The following NDUFA10 variants were observed in gnomAD, a reference collection of about 807,000 sequenced individuals.
The protein encoded by NDUFA10 is NADH dehydrogenase [ubiquinone] 1 alpha subcomplex subunit 10, mitochondrial.
NDUFA10 carries 40 observed loss-of-function variants against 47.8 expected under a neutral mutation model. That is an observed-to-expected ratio of 0.84 (90% CI 0.65 to 1.09). The LOEUF is 1.09. Among genes scored for constraint, NDUFA10 ranks in the 50% least tolerant of loss-of-function variants. NDUFA10 has a pLI of 0.00. For missense variants in NDUFA10, 413 were observed against 451.1 expected, an observed-to-expected ratio of 0.92 and a Z score of 0.76; for synonymous variants, 183 against 172.2, an observed-to-expected ratio of 1.06 and a Z score of -0.49.
At chr2:239,988,473 A>G (rs1696096039) in intron 9 of NDUFA10, among the ~76,000 whole-genome samples, 1 of 152,194 alleles carries the variant, frequency 6.6e-6, no homozygotes, top group Admixed American at 6.5e-5. Context: ...GAAGGACTTC[A>G]GGCACAGGAC....
chr2:239,940,229 G>T, intron 4 of NDUFA10, among the ~76,000 whole-genome samples: 1 of 152,226 alleles, frequency 6.6e-6, no homozygotes, highest in Non-Finnish European at 1.5e-5. Flanking sequence ...TTCCAATAAA[G>T]TTTTATTTAC....
In NDUFA10 at chr2:240,025,197, C is replaced by T. The variant is rs1327694734; in HGVS notation, c.75+30G>A. 4 of 1,441,998 alleles carry T rather than the reference C, an allele frequency of 2.8e-6. No homozygotes were observed. In the African/African-American group the frequency reaches 4.5e-5, roughly 16 times the overall value. The allele number at this position is 1,441,998 out of a possible 1,614,324, so 89.3% of individuals were successfully genotyped here. ...CCGCCACCCCGCCACCCTGCCACCC[C>T]GCCACCCTGCCACCCCGCCGCCCGC... On this transcript the variant is annotated intron_variant, in intron 1 of 9. Transcript: ENST00000252711.
At chr2:239,900,847 G>C (rs1693531237) in intron 4 of NDUFA10, among the ~76,000 whole-genome samples, 1 of 152,240 alleles carries the variant, frequency 6.6e-6, no homozygotes, top group South Asian at 2.1e-4. Context: ...AGCCAGCAGA[G>C]GTTGACTCAG....
chr2:239,948,521 G>T (rs932267125), intron 4 of NDUFA10, among the ~76,000 whole-genome samples: 2 of 152,242 alleles, frequency 1.3e-5, no homozygotes, highest in Non-Finnish European at 2.9e-5. Context: ...AAGTGGAGTC[G>T]CTGGAAAACC....
chr2:239,918,322 C>T lies in NDUFA10; in HGVS notation c.295-23008G>A, dbSNP rs190394326. Among the ~76,000 whole-genome samples, 1,407 of 152,320 alleles carry T rather than the reference C, an allele frequency of 9.2e-3. 29 individuals carry two copies. Among genetic ancestry groups the T allele is most frequent in the African/African-American group, 0.032 (1,324 of 41,562 alleles). On this transcript the variant is annotated intron_variant, in intron 4 of 5. Coordinates refer to the NDUFA10 transcript ENST00000419408. ...GGCCCTCACCAAGGAGGACTGGACA[C>T]TGGACATACATGCGCCCCATCGCCC...
At chr2:240,007,443 A>G in intron 6 of NDUFA10, 73 bp from the exon 7 acceptor site, 2 of 1,034,760 alleles carry the variant, frequency 1.9e-6, no homozygotes, top group Non-Finnish European at 3.0e-6. Context: ...ATGAATACAT[A>G]CCGCTAAAGT....
chr2:239,994,289 C>T (rs969670221), intron 8 of NDUFA10, among the ~76,000 whole-genome samples: 1 of 152,036 alleles, frequency 6.6e-6, no homozygotes, highest in Non-Finnish European at 1.5e-5. Context: ...TATTTATAGC[C>T]GATTCCCCTG....
Position 240,021,480 on chromosome 2 carries a change from C to T in NDUFA10, c.245-68G>A, listed in dbSNP as rs558532735. ...CACTCCCCGCAGGGAGCAGTGGGGA[C>T]TAGCCAAAACACACAGCCCGCCCGA... On this transcript the variant is annotated intron_variant, in intron 2 of 9. Coordinates refer to ENST00000252711, the MANE Select transcript of NDUFA10 (RefSeq NM_004544.4). The T allele has an allele frequency of 3.5e-4, 501 of 1,411,526 alleles. 18 individuals are homozygous for T. In the South Asian group the frequency reaches 5.6e-3, roughly 16 times the overall value. 87.4% of individuals were successfully genotyped at this position (1,411,526 alleles called of 1,614,324 possible). A position where few individuals can be genotyped will look rare whatever the true frequency, so the allele number is the denominator to read the frequency against.
intron 8 of NDUFA10, among the ~76,000 whole-genome samples, chr2:240,003,421 G>T (rs1464810042): frequency 6.6e-6 from 1 of 152,192 alleles, no homozygotes; most frequent in Non-Finnish European, 1.5e-5. Flanking sequence ...GTGCCTCCAG[G>T]CCCTCGAGAG....
At chr2:239,964,552 C>T (rs1694986172) in intron 9 of NDUFA10, among the ~76,000 whole-genome samples, 1 of 152,180 alleles carries the variant, frequency 6.6e-6, no homozygotes, top group East Asian at 1.9e-4. Flanking sequence ...TGGGAGATAC[C>T]GGGTCACATC....
chr2:239,925,931 GACC>G (rs1694056844), intron 4 of NDUFA10, among the ~76,000 whole-genome samples: 1 of 152,024 alleles, frequency 6.6e-6, no homozygotes, highest in Non-Finnish European at 1.5e-5. Flanking sequence ...GAGAAATGAA[GACC>G]ACAATGAAAT....
chr2:239,979,788 A>G (rs966174182), intron 9 of NDUFA10, among the ~76,000 whole-genome samples: 1 of 151,956 alleles, frequency 6.6e-6, no homozygotes, highest in Non-Finnish European at 1.5e-5. Flanking sequence ...CCACCACCTC[A>G]CCAGGAGTAC....
intron 4 of NDUFA10, among the ~76,000 whole-genome samples, chr2:239,910,708 C>CT (rs1693737817): frequency 6.6e-6 from 1 of 151,868 alleles, no homozygotes; most frequent in African/African-American, 2.4e-5. Flanking sequence ...CCTGTACCCC[C>CT]GAACTCAAAA....
chr2:239,981,988 G>T, intron 9 of NDUFA10: 1 of 1,255,226 alleles, frequency 8.0e-7, no homozygotes, highest in Middle Eastern at 2.4e-4. Context: ...AGGCATCCAT[G>T]GCCTCCACTT....
rs562729951 is a variant in NDUFA10, at chr2:239,945,258, G to C, written c.294+44816C>G. 2.0e-5 allele frequency among the ~76,000 whole-genome samples: 3 copies of C among 152,336 alleles called. No individual in the cohort carries two copies. Among genetic ancestry groups the C allele is most frequent in the Non-Finnish European group, 4.4e-5 (3 of 68,020 alleles). ...CTGCAGACGCTGGGCTCCTTCATTT[G>C]CACAACCGCAGCGGCAGCGCCATCA... On this transcript the variant is annotated intron_variant, in intron 4 of 5. Coordinates refer to the NDUFA10 transcript ENST00000419408. The surrounding 1 kb of genome is among the most constrained non-coding windows in gnomAD (Gnocchi z 4.6).
chr2:240,019,892 C>T (rs555266847), intron 3 of NDUFA10, among the ~76,000 whole-genome samples: 34 of 151,248 alleles, frequency 2.2e-4, no homozygotes, highest in Non-Finnish European at 3.4e-4. Context: ...GTCCACGCTA[C>T]GACATCAGCT....
intron 9 of NDUFA10, chr2:239,982,018 T>G: frequency 6.7e-7 from 1 of 1,497,354 alleles, no homozygotes; most frequent in Non-Finnish European, 9.0e-7. Flanking sequence ...AATAACCGGC[T>G]GCCAACTACC....
chr2:240,007,189 C>A, intron 7 of NDUFA10, 127 bp downstream of exon 7: 1 of 754,426 alleles, frequency 1.3e-6, no homozygotes. Context: ...ACTGGCACTG[C>A]TTTCAGGTGA....
intron 6 of NDUFA10, among the ~76,000 whole-genome samples, 167 bp from the exon 7 acceptor site, chr2:240,007,537 CAGG>C (rs1440041657): frequency 6.6e-6 from 1 of 152,194 alleles, no homozygotes. Context: ...TTGACTGGTT[CAGG>C]AGGACATGTT....
Sources: allele counts gnomAD v4.1 joint callset (sites outside exome capture counted in the v4.1 genomes callset), GRCh38; gene constraint gnomAD v4.1.1; non-coding constraint Gnocchi (gnomAD v3.1); transcripts MANE v1.5; gene names NCBI Gene and HGNC (gene_info 2026-07-23, HGNC 2026-07-21).